The following USH1C variants were observed in gnomAD, a reference collection of about 807,000 sequenced individuals.
USH1C encodes the protein harmonin.
Under a neutral mutation model 119.3 loss-of-function variants are expected in USH1C, and 90 were observed. That is an observed-to-expected ratio of 0.75 (90% CI 0.64 to 0.90). The LOEUF (loss-of-function observed/expected upper bound fraction) is 0.90, where lower values mean the gene tolerates loss of function less well. Among genes scored for constraint, USH1C ranks in the 40% least tolerant of loss-of-function variants. The pLI is 0.00. For synonymous variants in USH1C, 465 were observed against 443.3 expected, an observed-to-expected ratio of 1.05 and a Z score of -0.62; for missense variants, 1,165 against 1,167.7, an observed-to-expected ratio of 1.00 and a Z score of 0.03.
At position 17,526,463 on chromosome 11, in the gene USH1C, A is replaced by G. The variant is rs752640964; in HGVS notation, c.580-22T>C. On this transcript the variant is annotated intron_variant, in intron 7 of 26. Coordinates refer to ENST00000005226, the MANE Select transcript of USH1C (RefSeq NM_153676.4). ...CGCCCTGAAAGAGAGATAGAAGCAG[A>G]ATCACGGAGTGTCCACATGCGTGCA... 5 of 1,608,088 alleles carry G rather than the reference A, an allele frequency of 3.1e-6. No homozygotes were observed. In the African/African-American group the frequency reaches 5.3e-5, roughly 17 times the overall value.
At chr11:17,505,678 T>A in intron 19 of USH1C, 152 bp downstream of exon 19, 1 of 1,159,138 alleles carries the variant, frequency 8.6e-7, no homozygotes, top group East Asian at 2.6e-5. Context: ...CCATGTGGCC[T>A]CATCTCTTGG....
intron 9 of USH1C, 61 bp from the exon 10 acceptor site, chr11:17,523,539 A>G: frequency 6.4e-7 from 1 of 1,568,340 alleles, no homozygotes; most frequent in Non-Finnish European, 8.8e-7. Flanking sequence ...GCTCATCTGC[A>G]GGACAGGCTC....
chr11:17,529,298 A>G (rs1850852713), intron 4 of USH1C, among the ~76,000 whole-genome samples: 3 of 149,344 alleles, frequency 2.0e-5, no homozygotes, highest in Non-Finnish European at 3.0e-5. Context: ...ATTCTTGGGG[A>G]AAAAAAAACA....
chr11:17,528,414 C>CAGCTGA (rs1565060157), intron 4 of USH1C, among the ~76,000 whole-genome samples: 1 of 152,252 alleles, frequency 6.6e-6, no homozygotes. Flanking sequence ...TCTCAGATAA[C>CAGCTGA]AGCTGAAGCT....
chr11:17,515,310 T>A (rs2133843193), intron 15 of USH1C, among the ~76,000 whole-genome samples: 1 of 152,342 alleles, frequency 6.6e-6, no homozygotes, highest in South Asian at 2.1e-4. Flanking sequence ...TGTTCCTAGA[T>A]AAAGGCATTA....
In USH1C at chr11:17,531,383, G is replaced by T. The variant is rs771210531; in HGVS notation, c.248+16C>A. The T allele has an allele frequency of 1.9e-4, 303 of 1,613,600 alleles. No individual in the cohort carries two copies. The highest frequency in any genetic ancestry group is 2.5e-4 in the Non-Finnish European group (292 of 1,179,818). On this transcript the variant is annotated intron_variant, in intron 3 of 26. Coordinates refer to ENST00000005226, the MANE Select transcript of USH1C (RefSeq NM_153676.4). The surrounding 1 kb of genome is among the most constrained non-coding windows in gnomAD (Gnocchi z 4.2). The stretch of plus-strand genomic sequence containing the variant: ...CTCTCCACCCCCTGCCTCCAGCCTG[G>T]TGGCTTCCTCTGCACCTGGAGCGCC...
chr11:17,543,450 G>A (rs1851559378), intron 1 of USH1C, among the ~76,000 whole-genome samples: 1 of 152,108 alleles, frequency 6.6e-6, no homozygotes, highest in African/African-American at 2.4e-5. Flanking sequence ...CAGACTCAGA[G>A]GCATCCTAAG....
rs554575864 is a variant in USH1C at position 17,525,041 on chromosome 11, C to T, written c.675-506G>A. ...TATTCTATCCCAAGACTAAACTAGC[C>T]GCTCTGTTCTCAGTGCTCCTATGAC... On this transcript the variant is annotated intron_variant, in intron 8 of 26. Transcript: ENST00000005226. 5.5e-4 allele frequency among the ~76,000 whole-genome samples: 83 copies of T among 152,244 alleles called. 1 individual carries two copies. Among genetic ancestry groups the T allele is most frequent in the Middle Eastern group, 3.4e-3 (1 of 294 alleles).
chr11:17,504,839 C>T lies in USH1C; in HGVS notation c.2134-142G>A, dbSNP rs976381568. 3 of 776,436 alleles carry T rather than the reference C, an allele frequency of 3.9e-6. No homozygotes were observed. In the African/African-American group the frequency reaches 5.1e-5, roughly 13 times the overall value. The allele number at this position is 776,436 out of a possible 1,614,324, so 48.1% of individuals were successfully genotyped here. ...CGAGCAGTCTGGCTTACGTTAAAGGCCTGCTCAATGCCCAAAGATGCTACC... is the reference window on the plus strand; with the variant it reads ...CGAGCAGTCTGGCTTACGTTAAAGGTCTGCTCAATGCCCAAAGATGCTACC... On this transcript the variant is annotated intron_variant, in intron 19 of 26. Coordinates refer to ENST00000005226, the MANE Select transcript of USH1C (RefSeq NM_153676.4).
At chr11:17,535,636 T>C (rs1281514364) in intron 1 of USH1C, among the ~76,000 whole-genome samples, 4 of 152,164 alleles carry the variant, frequency 2.6e-5, no homozygotes, top group Admixed American at 2.0e-4. Context: ...TTTATCTGCC[T>C]GCCTCCTGGT....
intron 8 of USH1C, among the ~76,000 whole-genome samples, chr11:17,525,025 C>G (rs1850598293): frequency 6.6e-6 from 1 of 152,060 alleles, no homozygotes. Context: ...TTATTCTATC[C>G]CAAGACTAAA....
intron 1 of USH1C, among the ~76,000 whole-genome samples, chr11:17,534,050 C>A (rs772576930): frequency 5.3e-5 from 8 of 152,242 alleles, no homozygotes; most frequent in Non-Finnish European, 8.8e-5. Flanking sequence ...CAGCGGGAGG[C>A]CCTGAATTCC....
chr11:17,513,235 G>A (rs890643577), intron 15 of USH1C, among the ~76,000 whole-genome samples: 1 of 152,252 alleles, frequency 6.6e-6, no homozygotes, highest in African/African-American at 2.4e-5. Flanking sequence ...ATCACACACA[G>A]CGTGGAGGAC....
chr11:17,501,669 GC>G, intron 21 of USH1C, 134 bp from the exon 22 acceptor site: 1 of 1,082,868 alleles, frequency 9.2e-7, no homozygotes, highest in Admixed American at 2.0e-5. Context: ...ACCGTGCCCA[GC>G]CCCACCCCTA....
chr11:17,521,134 T>A, intron 13 of USH1C, 140 bp from the exon 14 acceptor site: 1 of 1,252,970 alleles, frequency 8.0e-7, no homozygotes, highest in Non-Finnish European at 1.2e-6. Context: ...CCCGAGCTTG[T>A]ATTCTAAATT....
intron 15 of USH1C, among the ~76,000 whole-genome samples, chr11:17,513,374 GA>G (rs1849988213): frequency 6.6e-6 from 1 of 151,886 alleles, no homozygotes; most frequent in South Asian, 2.1e-4. Context: ...ATCTGCTCTT[GA>G]ATTTTCTGAA....
Position 17,494,306 on chromosome 11 carries a change from G to C in USH1C, c.*26C>G. On this transcript the variant is annotated 3_prime_UTR_variant, in exon 27 of 27. Transcript: ENST00000005226. ...GGCTGATCCGAGGCTTTGTGTTCAC[G>C]AGGTGGGGCCGGAGCTCACTGTTTC... 1.9e-6 allele frequency: 3 copies of C among 1,605,918 alleles called. No individual in the cohort carries two copies. The highest frequency in any genetic ancestry group is 2.6e-6 in the Non-Finnish European group (3 of 1,176,008).
chr11:17,524,569 A>G (rs1337177008), intron 8 of USH1C, 34 bp from the exon 9 acceptor site: 1 of 1,551,516 alleles, frequency 6.4e-7, no homozygotes, highest in South Asian at 1.2e-5. Flanking sequence ...CTCGGGATTC[A>G]GGTAACCCAT....
intron 25 of USH1C, among the ~76,000 whole-genome samples, chr11:17,495,900 G>A (rs1849233145): frequency 6.6e-6 from 1 of 152,000 alleles, no homozygotes; most frequent in Non-Finnish European, 1.5e-5. Flanking sequence ...AGGGAGGCAG[G>A]GCATGGTCAG....
Sources: allele counts gnomAD v4.1 joint callset (sites outside exome capture counted in the v4.1 genomes callset), GRCh38; gene constraint gnomAD v4.1.1; non-coding constraint Gnocchi (gnomAD v3.1); transcripts MANE v1.5; gene names NCBI Gene and HGNC (gene_info 2026-07-23, HGNC 2026-07-21).